Variants in PVT1 observed in about 807,000 individuals in gnomAD.
PVT1 encodes CXCR4/PVT1 fusion.
intron 4 of PVT1, among the ~76,000 whole-genome samples, chr8:128,067,872 C>T (rs1000107306): frequency 2.6e-5 from 4 of 151,832 alleles, no homozygotes; most frequent in African/African-American, 9.7e-5. Context: ...ATCATGCTGT[C>T]TTCATGTCCT....
intron 3 of PVT1, among the ~76,000 whole-genome samples, chr8:127,961,445 A>G (rs1467776113): frequency 2.0e-5 from 3 of 152,168 alleles, no homozygotes; most frequent in Non-Finnish European, 2.9e-5. Context: ...CACTGAATAG[A>G]TTCGGTGCTG....
chr8:127,931,740 C>T (rs988077148), intron 3 of PVT1, among the ~76,000 whole-genome samples: 11 of 152,232 alleles, frequency 7.2e-5, no homozygotes, highest in Non-Finnish European at 8.8e-5. Flanking sequence ...TGATTTCACT[C>T]AGCGCGAGCC....
chr8:128,064,032 A>T (rs1449628637), intron 4 of PVT1, among the ~76,000 whole-genome samples: 6 of 152,212 alleles, frequency 3.9e-5, no homozygotes, highest in African/African-American at 1.4e-4. Flanking sequence ...GGATGAGTTA[A>T]GACTGATCAC....
In PVT1 at chr8:127,902,083, A is replaced by G. The variant is rs549344289; in HGVS notation, n.782+11085A>G. ...GCGTAGAAATGTGTTGGTGGTTGAA[A>G]GAGAGCCCCATAACCCTCCACTGAG... On this transcript the variant is annotated intron_variant and non_coding_transcript_variant, in intron 3 of 10. Transcript: ENST00000651587. Among the ~76,000 whole-genome samples, 6 of 152,330 alleles carry G rather than the reference A, an allele frequency of 3.9e-5. No individual in the cohort carries two copies. In the South Asian group the frequency reaches 1.2e-3, roughly 32 times the overall value.
At chr8:127,835,622 C>CAAACA (rs544252456) in intron 2 of PVT1, among the ~76,000 whole-genome samples, 4 of 152,150 alleles carry the variant, frequency 2.6e-5, no homozygotes, top group African/African-American at 9.6e-5. Context: ...AACAAACAAA[C>CAAACA]AAAAAACCTC....
At position 127,865,596 on chromosome 8, in the gene PVT1, C is replaced by T. The variant is rs188361828; in HGVS notation, n.373-24993C>T. 5.2e-3 allele frequency among the ~76,000 whole-genome samples: 788 copies of T among 152,248 alleles called. 5 individuals are homozygous for T. The highest frequency in any genetic ancestry group is 0.018 in the African/African-American group (756 of 41,536). ...GAAGGAGCCATGAGACAAGGAATAACCGTCCCTAGAAGTTGGAAAAGGCAA... is the reference window on the plus strand; with the variant it reads ...GAAGGAGCCATGAGACAAGGAATAATCGTCCCTAGAAGTTGGAAAAGGCAA... On this transcript the variant is annotated intron_variant and non_coding_transcript_variant, in intron 2 of 10. Transcript: ENST00000651587.
At chr8:127,827,405 C>T (rs1281688488) in intron 2 of PVT1, among the ~76,000 whole-genome samples, 1 of 152,190 alleles carries the variant, frequency 6.6e-6, no homozygotes, top group South Asian at 2.1e-4. Flanking sequence ...AGCCTCTGGT[C>T]CCCTGGCAGC....
chr8:128,099,179 C>T lies in PVT1; in HGVS notation n.1251+2525C>T, dbSNP rs116830149. Among the ~76,000 whole-genome samples the T allele has an allele frequency of 5.4e-3, 822 of 152,324 alleles. 2 individuals carry two copies. Among genetic ancestry groups the T allele is most frequent in the African/African-American group, 0.018 (763 of 41,582 alleles). On this transcript the variant is annotated intron_variant and non_coding_transcript_variant, in intron 6 of 10. Transcript: ENST00000651587. The stretch of plus-strand genomic sequence containing the variant: ...CTGTTCTCCACGTCATTGCATATGG[C>T]GACATGCGGGTCACGTGATCACACA...
intron 4 of PVT1, among the ~76,000 whole-genome samples, chr8:128,033,650 G>T (rs1449861241): frequency 6.6e-6 from 1 of 152,212 alleles, no homozygotes; most frequent in Non-Finnish European, 1.5e-5. Context: ...ATAGTGTGCA[G>T]GCTGGGGCCT....
chr8:127,973,526 C>T (rs1330320762), intron 3 of PVT1, among the ~76,000 whole-genome samples: 1 of 152,032 alleles, frequency 6.6e-6, no homozygotes, highest in Non-Finnish European at 1.5e-5. Context: ...GCTACCTTTG[C>T]CTTGGCCACC....
intron 2 of PVT1, among the ~76,000 whole-genome samples, chr8:127,801,727 C>G (rs941641905): frequency 6.6e-6 from 1 of 152,020 alleles, no homozygotes; most frequent in African/African-American, 2.4e-5. Flanking sequence ...GAATGGACTT[C>G]TAGGCTGTTC....
rs35695990 is a variant in PVT1 at position 127,999,465 on chromosome 8, A to AT, written n.912+10188dup. Among the ~76,000 whole-genome samples the AT allele has an allele frequency of 1.7e-3, 245 of 143,728 alleles. 1 individual carries two copies. The highest frequency in any genetic ancestry group is 3.4e-3 in the South Asian group (15 of 4,470). 94.3% of individuals were successfully genotyped at this position (143,728 alleles called of 152,430 possible). On this transcript the variant is annotated intron_variant and non_coding_transcript_variant, in intron 4 of 10. Transcript: ENST00000651587. ...TCTAATTCATTACCACATTTCACCC[A>AT]TTTTTTTTTTTTTTGAAATGGATTC...
intron 2 of PVT1, among the ~76,000 whole-genome samples, chr8:127,843,635 C>T (rs954957632): frequency 1.3e-4 from 19 of 151,312 alleles, no homozygotes; most frequent in African/African-American, 4.4e-4. Context: ...TTAGTGGAGA[C>T]GCGGTTTCAC....
chr8:127,919,699 T>C (rs569757661), intron 3 of PVT1, among the ~76,000 whole-genome samples: 1 of 152,274 alleles, frequency 6.6e-6, no homozygotes, highest in African/African-American at 2.4e-5. Flanking sequence ...GGTCCCTACC[T>C]TCGTTTTCTG....
chr8:127,837,792 C>T (rs1187291950), intron 2 of PVT1, among the ~76,000 whole-genome samples: 1 of 151,948 alleles, frequency 6.6e-6, no homozygotes, highest in Non-Finnish European at 1.5e-5. Context: ...TGTTCATACT[C>T]TTTTGTGTTG....
intron 3 of PVT1, among the ~76,000 whole-genome samples, chr8:127,963,949 T>C (rs1195736110): frequency 6.6e-6 from 1 of 152,246 alleles, no homozygotes; most frequent in Non-Finnish European, 1.5e-5. Flanking sequence ...GGATCGTTTA[T>C]TCGTCCAGTA....
chr8:127,817,557 A>T (rs1243626101), intron 2 of PVT1, among the ~76,000 whole-genome samples: 4 of 101,068 alleles, frequency 4.0e-5, no homozygotes, highest in African/African-American at 1.4e-4. Context: ...ACACACACAC[A>T]CACATATATA....
chr8:128,016,919 C>CCA (rs1188587773), intron 4 of PVT1, among the ~76,000 whole-genome samples: 3 of 152,182 alleles, frequency 2.0e-5, no homozygotes, highest in Non-Finnish European at 4.4e-5. Flanking sequence ...AAGATGGTGG[C>CCA]TCATGCCTGT....
At chr8:127,927,344 A>G (rs1464030298) in intron 3 of PVT1, among the ~76,000 whole-genome samples, 1 of 152,194 alleles carries the variant, frequency 6.6e-6, no homozygotes, top group Non-Finnish European at 1.5e-5. Context: ...CTCGCCAGAT[A>G]GTTGTCATCA....
Sources: gnomAD v4.1 joint callset for allele counts (sites outside exome capture counted in the v4.1 genomes callset) on GRCh38, gnomAD v4.1.1 for gene constraint, MANE v1.5 for transcripts, NCBI Gene and HGNC (gene_info 2026-07-23, HGNC 2026-07-21) for gene names.